RICTOR: variants seen among roughly 807,000 people sequenced by gnomAD.
RICTOR encodes rapamycin-insensitive companion of mTOR.
Under a neutral mutation model 214.9 loss-of-function variants are expected in RICTOR, and 49 were observed. The ratio of observed to expected loss-of-function variants is 0.23; its 90% CI spans 0.18 to 0.29. The LOEUF is 0.29. RICTOR is among the 10% of genes least tolerant of loss of function. The probability of loss-of-function intolerance (pLI) is 1.00; values close to 1 mark genes in which losing one functional copy is unlikely to be tolerated. For missense variants in RICTOR, 1,625 were observed against 2,047.0 expected (o/e 0.79, Z 3.98); for synonymous variants, 717 against 711.3 (o/e 1.01, Z -0.13).
At chr5:38,959,562 T>C (rs1032932581) in intron 21 of RICTOR, among the ~76,000 whole-genome samples, 11 of 152,128 alleles carry the variant, frequency 7.2e-5, no homozygotes, top group Non-Finnish European at 2.9e-5. Context: ...ATGAAGTCAA[T>C]TCAACGTATA....
chr5:39,022,487 C>A lies in RICTOR; in HGVS notation c.98-1351G>T, dbSNP rs1755504804. 5 of 154,790 alleles carry A rather than the reference C, an allele frequency of 3.2e-5. No homozygotes were observed. The South Asian group carries it at 7.3e-4, about 23-fold the overall frequency. 9.6% of individuals were successfully genotyped at this position (154,790 alleles called of 1,614,324 possible). A position where few individuals can be genotyped will look rare whatever the true frequency, so the allele number is the denominator to read the frequency against. On this transcript the variant is annotated intron_variant, in intron 2 of 37. Coordinates refer to ENST00000357387, the MANE Select transcript of RICTOR (RefSeq NM_152756.5). Reference sequence around the variant, plus strand: ...GCTCTATCCTGTGCAACTAGAAGGTCATCAAAATGACCTCGCATCAGACCC... The same window carrying A: ...GCTCTATCCTGTGCAACTAGAAGGTAATCAAAATGACCTCGCATCAGACCC...
chr5:38,994,451 A>AAAAAAAAAG (rs1304761708), intron 6 of RICTOR, among the ~76,000 whole-genome samples: 4,051 of 101,460 alleles, frequency 0.04, 978 homozygotes, highest in Non-Finnish European at 0.052. Context: ...AAAAAAAAAA[A>AAAAAAAAAG]AGTGCTTCAG....
chr5:38,993,184 G>A (rs1752913546), intron 6 of RICTOR, among the ~76,000 whole-genome samples: 2 of 152,198 alleles, frequency 1.3e-5, no homozygotes, highest in Admixed American at 6.5e-5. Flanking sequence ...AAATTTTGCA[G>A]AAGAGGGTTC....
chr5:39,007,770 T>G (rs1014028085), intron 3 of RICTOR, among the ~76,000 whole-genome samples: 4 of 151,358 alleles, frequency 2.6e-5, no homozygotes, highest in African/African-American at 4.8e-5. Flanking sequence ...TTAAATATTA[T>G]TGTATATTAT....
intron 31 of RICTOR, 180 bp downstream of exon 31, chr5:38,949,532 C>T: frequency 1.8e-6 from 2 of 1,123,386 alleles, no homozygotes; most frequent in East Asian, 2.5e-5. Context: ...TCCCCCCTCG[C>T]AGCTGCAAGA....
intron 2 of RICTOR, among the ~76,000 whole-genome samples, chr5:39,039,974 C>T (rs529025155): frequency 2.5e-4 from 38 of 152,144 alleles, no homozygotes; most frequent in African/African-American, 9.2e-4. Flanking sequence ...TGGGTATATA[C>T]CCAAAGGATT....
At chr5:38,975,512 T>C in intron 10 of RICTOR, 25 bp downstream of exon 10, 3 of 1,544,862 alleles carry the variant, frequency 1.9e-6, no homozygotes, top group Non-Finnish European at 2.7e-6. Flanking sequence ...TCTTGGATGT[T>C]ATAAAGCAAT....
At chr5:38,971,679 ACAACAG>A (rs1335050599) in intron 11 of RICTOR, 192 bp downstream of exon 11, 1 of 411,278 alleles carries the variant, frequency 2.4e-6, no homozygotes, top group Non-Finnish European at 4.3e-6. Context: ...CCGTGCCCAG[ACAACAG>A]CAATATTTTA....
At chr5:39,015,250 T>G (rs2150127216) in intron 3 of RICTOR, among the ~76,000 whole-genome samples, 1 of 152,212 alleles carries the variant, frequency 6.6e-6, no homozygotes, top group South Asian at 2.1e-4. Flanking sequence ...TCTCAGAAAT[T>G]GCTGAGAATT....
intron 2 of RICTOR, among the ~76,000 whole-genome samples, chr5:39,069,782 T>C (rs1397764635): frequency 1.3e-5 from 2 of 152,274 alleles, no homozygotes; most frequent in African/African-American, 4.8e-5. Context: ...TTCCTAACTT[T>C]CCCCTTCCCA....
chr5:38,949,590 A>G (rs1024515908), intron 31 of RICTOR, 122 bp downstream of exon 31: 2 of 1,061,948 alleles, frequency 1.9e-6, no homozygotes, highest in Admixed American at 2.4e-5. Flanking sequence ...AGCCTACCAT[A>G]GTAAACAATT....
chr5:38,997,728 C>CA (rs1398701804), intron 5 of RICTOR, among the ~76,000 whole-genome samples: 4 of 152,232 alleles, frequency 2.6e-5, no homozygotes, highest in African/African-American at 9.6e-5. Flanking sequence ...AAAAGAAGCA[C>CA]AGGGAGCTCC....
intron 8 of RICTOR, among the ~76,000 whole-genome samples, chr5:38,978,868 A>G (rs1005059528): frequency 6.6e-6 from 1 of 152,098 alleles, no homozygotes; most frequent in Non-Finnish European, 1.5e-5. Flanking sequence ...ACATGTATCT[A>G]AAACAGTGAT....
intron 2 of RICTOR, among the ~76,000 whole-genome samples, chr5:39,039,696 G>A (rs2150167117): frequency 6.6e-6 from 1 of 152,276 alleles, no homozygotes; most frequent in Middle Eastern, 3.4e-3. Flanking sequence ...CATTTATGCA[G>A]CCAAAAAACA....
intron 11 of RICTOR, among the ~76,000 whole-genome samples, chr5:38,969,168 C>CACCATGTT (rs1750509065): frequency 6.6e-6 from 1 of 151,836 alleles, no homozygotes; most frequent in African/African-American, 2.4e-5. Context: ...ATGGGGGTTT[C>CACCATGTT]ACCATGTTGG....
chr5:39,041,337 G>A (rs1004694420), intron 2 of RICTOR, among the ~76,000 whole-genome samples: 1 of 152,140 alleles, frequency 6.6e-6, no homozygotes, highest in African/African-American at 2.4e-5. Flanking sequence ...GAGAATAAAT[G>A]AAAATGGAGC....
In RICTOR at chr5:38,950,546, G is replaced by A. The variant is rs776074870; in HGVS notation, c.3302C>T (p.Ser1101Leu). The A allele has an allele frequency of 6.2e-7, 1 of 1,613,172 alleles. No homozygotes were observed. Among genetic ancestry groups the A allele is most frequent in the Non-Finnish European group, 8.5e-7 (1 of 1,179,470 alleles). ...ATGTTTTTTGTTAGGCAAAGTAAGCGAATTTAAGATACGATTCTTCACAAG... is the reference window on the plus strand; with the variant it reads ...ATGTTTTTTGTTAGGCAAAGTAAGCAAATTTAAGATACGATTCTTCACAAG... Reference protein sequence around the residue: ...SKLVKNRILNSLTLPNKKHRS... With the variant: ...SKLVKNRILNLLTLPNKKHRS... The change falls in exon 31 of 38, where the codon TCG becomes TTG. Residue 1101 changes from serine (S) to leucine (L), a missense_variant. This residue lies in a region of RICTOR where 1,214 missense variants were observed against 1,470.5 expected (regional missense o/e 0.83). Coordinates refer to ENST00000357387, the MANE Select transcript of RICTOR (RefSeq NM_152756.5).
Position 39,003,638 on chromosome 5 carries a change from A to C in RICTOR, c.196-16T>G, listed in dbSNP as rs1200173275. On this transcript the variant is annotated splice_polypyrimidine_tract_variant and intron_variant, in intron 3 of 37. Transcript: ENST00000357387. ...CACAAAGAAGCTGTCAGAAAAACAA[A>C]ATAAGTGTGCATTTATGTGTTGTAT... 1.3e-6 allele frequency: 2 copies of C among 1,563,316 alleles called. No individual in the cohort carries two copies. The highest frequency in any genetic ancestry group is 4.5e-5 in the East Asian group (2 of 44,446).
At position 38,950,397 on chromosome 5, in the gene RICTOR, A is replaced by T. The variant is rs1445167221; in HGVS notation, c.3451T>A (p.Ser1151Thr). The change falls in exon 31 of 38, where the codon TCC becomes ACC. Residue 1151 changes from serine (S) to threonine (T), a missense_variant. Physicochemically the swap from Ser to Thr is moderately conservative, Grantham distance 58. This residue lies in a region of RICTOR where 1,214 missense variants were observed against 1,470.5 expected (regional missense o/e 0.83). Coordinates refer to ENST00000357387, the MANE Select transcript of RICTOR (RefSeq NM_152756.5). ...AATTGTAATGTTTTCTGTACAGTGG[A>T]TATGGGTGTAAAATCATCACTATGA... Reference protein sequence around the residue: ...FNHSDDFTPISTVQKTLQLET... With the variant: ...FNHSDDFTPITTVQKTLQLET... 1 of 1,613,052 alleles carries T rather than the reference A, an allele frequency of 6.2e-7. No individual in the cohort carries two copies. The highest frequency in any genetic ancestry group is 1.7e-5 in the Admixed American group (1 of 59,894).
Sources: allele counts gnomAD v4.1 joint callset (sites outside exome capture counted in the v4.1 genomes callset), GRCh38; gene constraint gnomAD v4.1.1; regional missense constraint gnomAD v4.1.1; transcripts MANE v1.5; gene names NCBI Gene and HGNC (gene_info 2026-07-23, HGNC 2026-07-21).